Variants in KDM2B observed in about 807,000 individuals in gnomAD.
KDM2B encodes the protein lysine-specific demethylase 2B.
A neutral mutation model predicts 150.0 loss-of-function variants in KDM2B; 26 were observed. The ratio of observed to expected loss-of-function variants is 0.17; its 90% CI spans 0.13 to 0.24. The LOEUF is 0.24. Ranked by LOEUF, KDM2B falls within the 10% of genes least tolerant of loss-of-function variation. The probability of loss-of-function intolerance (pLI) is 1.00; values close to 1 mark genes in which losing one functional copy is unlikely to be tolerated. For missense variants in KDM2B, 1,265 were observed against 1,816.9 expected (o/e 0.70, Z 5.52); for synonymous variants, 734 against 729.5 (o/e 1.01, Z -0.10).
rs2138010071 is a variant in KDM2B at position 121,441,237 on chromosome 12, G to T, written c.3285-4C>A. 6.2e-7 allele frequency: 1 copy of T among 1,613,448 alleles called. No homozygotes were observed. Among genetic ancestry groups the T allele is most frequent in the East Asian group, 2.2e-5 (1 of 44,872 alleles). On this transcript the variant is annotated splice_polypyrimidine_tract_variant and splice_region_variant and intron_variant, in intron 19 of 22. Transcript: ENST00000377071. Reference sequence around the variant, plus strand: ...CCACAACCGCTTATCGCAGCACCTGGGGACCGGCCCCGTGGGGACACATCG... The same window carrying T: ...CCACAACCGCTTATCGCAGCACCTGTGGACCGGCCCCGTGGGGACACATCG...
At chr12:121,479,171 CG>C (rs1566317107) in intron 12 of KDM2B, among the ~76,000 whole-genome samples, 1 of 150,810 alleles carries the variant, frequency 6.6e-6, no homozygotes, top group East Asian at 2.0e-4. Flanking sequence ...GGGGCTTGGC[CG>C]GGCGCGGTGG....
chr12:121,568,703 C>G lies in KDM2B; in HGVS notation c.397+5844G>C, dbSNP rs116572491. 2.7e-3 allele frequency among the ~76,000 whole-genome samples: 408 copies of G among 152,136 alleles called. 2 individuals are homozygous for G. The highest frequency in any genetic ancestry group is 9.3e-3 in the African/African-American group (385 of 41,508). ...GGAGGGCGGAGACTACATGGGCAGA[C>G]GCAGGGGATTCTGGGTACTGGTTAC... is the stretch of plus-strand genomic sequence containing the variant. On this transcript the variant is annotated intron_variant, in intron 4 of 22. Transcript: ENST00000377071.
Position 121,556,677 on chromosome 12 carries a change from C to G in KDM2B, c.398-7039G>C, listed in dbSNP as rs150300084. The stretch of plus-strand genomic sequence containing the variant: ...ACTAACCTGGACAACATGGTGAAAC[C>G]CTGTCTCTACTAAAAATACAAAAAT... On this transcript the variant is annotated intron_variant, in intron 4 of 22. Transcript: ENST00000377071. Among the ~76,000 whole-genome samples, 5 of 152,106 alleles carry G rather than the reference C, an allele frequency of 3.3e-5. No individual in the cohort carries two copies. In the East Asian group the frequency reaches 7.7e-4, roughly 24 times the overall value.
chr12:121,410,504 T>C, the KDM2B span, among the ~76,000 whole-genome samples: 1 of 150,860 alleles, frequency 6.6e-6, no homozygotes. Flanking sequence ...GCCACTGCAT[T>C]CCATCCTGGG....
chr12:121,523,725 T>C (rs2141259365), intron 8 of KDM2B, among the ~76,000 whole-genome samples: 1 of 152,274 alleles, frequency 6.6e-6, no homozygotes, highest in East Asian at 1.9e-4. Context: ...AAGGGAAAGC[T>C]CATCACCAGA....
In KDM2B at chr12:121,452,861, G is replaced by T. The variant is rs1431372257; in HGVS notation, c.1959+259C>A. On this transcript the variant is annotated intron_variant, in intron 13 of 22. Coordinates refer to ENST00000377071, the MANE Select transcript of KDM2B (RefSeq NM_032590.5). This position sits in a 1 kb window ranked among gnomAD's most constrained non-coding sequence, Gnocchi z 4.4. ...CCAGAACCGTAATGTTGGCAACGGG[G>T]TCACAGACAGGACAGGCTGCCTGTC... is the stretch of plus-strand genomic sequence containing the variant. Among the ~76,000 whole-genome samples, 1 of 152,216 alleles carries T rather than the reference G, an allele frequency of 6.6e-6. No individual in the cohort carries two copies. Among genetic ancestry groups the T allele is most frequent in the Non-Finnish European group, 1.5e-5 (1 of 68,024 alleles).
At chr12:121,504,629 G>A (rs1252077406) in intron 11 of KDM2B, among the ~76,000 whole-genome samples, 2 of 152,174 alleles carry the variant, frequency 1.3e-5, no homozygotes, top group Non-Finnish European at 2.9e-5. Context: ...GGTATGGGAC[G>A]TGGCAGCTCT....
chr12:121,547,799 C>T (rs1187871619), intron 6 of KDM2B, among the ~76,000 whole-genome samples: 2 of 151,994 alleles, frequency 1.3e-5, no homozygotes, highest in East Asian at 1.9e-4. Flanking sequence ...TGCACCACCA[C>T]ACCGGGTCAA....
At chr12:121,516,377 C>T (rs1055442278) in intron 9 of KDM2B, 9 of 764,826 alleles carry the variant, frequency 1.2e-5, no homozygotes, top group Non-Finnish European at 1.7e-5. Context: ...AAAACAAATG[C>T]TGATGAAGGA....
intron 13 of KDM2B, among the ~76,000 whole-genome samples, chr12:121,451,995 C>T (rs1298717880): frequency 6.6e-6 from 1 of 152,070 alleles, no homozygotes; most frequent in Non-Finnish European, 1.5e-5. Flanking sequence ...TATGCTTCAA[C>T]ATGGATGAAC....
At chr12:121,470,321 G>A (rs1555295749) in intron 12 of KDM2B, 2 of 152,122 alleles carry the variant, frequency 1.3e-5, no homozygotes, top group African/African-American at 4.8e-5. Context: ...AAAAGTTGCC[G>A]CTAACACAAA....
intron 13 of KDM2B, among the ~76,000 whole-genome samples, chr12:121,448,242 C>T (rs1685136756): frequency 1.4e-5 from 2 of 147,050 alleles, no homozygotes; most frequent in South Asian, 4.3e-4. Flanking sequence ...ACTGCTTGAG[C>T]CCAGGAGGTA....
rs781916784 is a variant in KDM2B at position 121,430,518 on chromosome 12, G to GC, written c.3830-50dup. 101 of 1,445,846 alleles carry GC rather than the reference G, an allele frequency of 7.0e-5. 1 individual carries two copies. Among genetic ancestry groups the GC allele is most frequent in the Admixed American group, 3.0e-4 (18 of 59,536 alleles). The allele number at this position is 1,445,846 out of a possible 1,614,324, so 89.6% of individuals were successfully genotyped here. On this transcript the variant is annotated intron_variant, in intron 22 of 22. Transcript: ENST00000377071. The surrounding 1 kb of genome is among the most constrained non-coding windows in gnomAD (Gnocchi z 4.4). ...GAGGTGTGAAGGCCAGGAGCCAGAA[G>GC]CCCCCCCGCCGCCAGACCCAGGCAC...
rs200036001 is a variant in KDM2B, at chr12:121,442,998, C to T, written c.2598G>A (p.Arg866=). The change falls in exon 18 of 23, where the codon AGG becomes AGA. Residue 866 remains arginine (R), a synonymous_variant. Transcript: ENST00000377071. This position sits in a 1 kb window ranked among gnomAD's most constrained non-coding sequence, Gnocchi z 7.7. ...AGGGAGGGGAAGATGGTACCTTTTT[C>T]CTGAAAAGCTTATCTTCTTTGCCAG... The part of the protein sequence containing the change: ...LKPGKEDKLF[R]KKRRSWKNAE... 354 of 1,613,292 alleles carry T rather than the reference C, an allele frequency of 2.2e-4. No individual in the cohort carries two copies. Among genetic ancestry groups the T allele is most frequent in the Admixed American group, 1.0e-4 (6 of 59,898 alleles).
the KDM2B span, among the ~76,000 whole-genome samples, chr12:121,421,806 A>G: frequency 6.6e-6 from 1 of 152,184 alleles, no homozygotes; most frequent in Non-Finnish European, 1.5e-5. Flanking sequence ...TGGTGTTCAG[A>G]CTAACAAATC....
chr12:121,496,261 A>T (rs1052822994), intron 11 of KDM2B, among the ~76,000 whole-genome samples: 11 of 152,078 alleles, frequency 7.2e-5, no homozygotes, highest in African/African-American at 2.7e-4. Flanking sequence ...GTGTTTAAGC[A>T]CACACAGAAC....
At chr12:121,576,394 C>T (rs184819156) in intron 2 of KDM2B, among the ~76,000 whole-genome samples, 12 of 152,194 alleles carry the variant, frequency 7.9e-5, no homozygotes, top group African/African-American at 2.4e-4. Context: ...GGGGAAAAGC[C>T]GGTTTCCCTG....
chr12:121,549,372 T>C lies in KDM2B; in HGVS notation c.576+88A>G. 7.7e-7 allele frequency: 1 copy of C among 1,303,070 alleles called. No individual in the cohort carries two copies. The highest frequency in any genetic ancestry group is 1.1e-6 in the Non-Finnish European group (1 of 944,096). 80.7% of individuals were successfully genotyped at this position (1,303,070 alleles called of 1,614,324 possible). The stretch of plus-strand genomic sequence containing the variant: ...AGCCAGCCACACCCACATGAGCCTT[T>C]TTGCAAGGCACAACCCAGGTGGCAG... On this transcript the variant is annotated intron_variant, in intron 5 of 22. Transcript: ENST00000377071. This position sits in a 1 kb window ranked among gnomAD's most constrained non-coding sequence, Gnocchi z 4.4.
intron 1 of KDM2B, chr12:121,580,472 C>T: frequency 2.5e-6 from 3 of 1,189,620 alleles, no homozygotes; most frequent in Non-Finnish European, 3.1e-6. Flanking sequence ...CACGAGTGCG[C>T]CTCTGCACGC....
Sources: allele counts gnomAD v4.1 joint callset (sites outside exome capture counted in the v4.1 genomes callset), GRCh38; gene constraint gnomAD v4.1.1; non-coding constraint Gnocchi (gnomAD v3.1); transcripts MANE v1.5; gene names NCBI Gene and HGNC (gene_info 2026-07-23, HGNC 2026-07-21).